BEND2: variants seen among roughly 807,000 people sequenced by gnomAD.
BEND2 encodes the protein BEN domain containing 2, also known as BEN domain-containing protein 2.
Under a neutral mutation model 43.8 loss-of-function variants are expected in BEND2, and 19 were observed. The ratio of observed to expected loss-of-function variants is 0.43; its 90% CI spans 0.30 to 0.64. The LOEUF is 0.64. BEND2 is among the 30% of genes least tolerant of loss of function. The pLI is 0.11. For synonymous variants in BEND2, 226 were observed against 210.1 expected (o/e 1.08, Z -0.66); for missense variants, 544 against 574.0 (o/e 0.95, Z 0.53).
intron 6 of BEND2, among the ~76,000 whole-genome samples, chrX:18,199,196 G>C (rs1925060368): frequency 1.8e-5 from 2 of 109,962 alleles, no homozygotes; most frequent in African/African-American, 6.6e-5. Flanking sequence ...AAAACTTAAA[G>C]TATAATAATA....
In BEND2 at chrX:18,165,087, C is replaced by T. The variant is rs750458282; in HGVS notation, c.2322G>A (p.Ser774=). The T allele has an allele frequency of 3.1e-5, 37 of 1,208,280 alleles. No homozygotes were observed. Among genetic ancestry groups the T allele is most frequent in the Admixed American group, 2.2e-5 (1 of 45,667 alleles). The change falls in exon 14 of 14, where the codon TCG becomes TCA. Residue 774 remains serine, a synonymous_variant. Coordinates refer to ENST00000380033, the MANE Select transcript of BEND2 (RefSeq NM_153346.5). ...DVRRAEARSQ[S]LPAVTPPELE... is the part of the protein sequence containing the mutation. ...GCTCTGGAGGGGTCACTGCTGGAAG[C>T]GACTGAGACCTGGCTTCAGCCCTTC...
At chrX:18,195,802 G>A (rs948571334) in intron 6 of BEND2, among the ~76,000 whole-genome samples, 4 of 108,515 alleles carry the variant, frequency 3.7e-5, no homozygotes, top group African/African-American at 6.7e-5. Flanking sequence ...ACCTGAGCCC[G>A]GGAAATGGAG....
chrX:18,198,393 G>A (rs1217446568), intron 6 of BEND2, among the ~76,000 whole-genome samples: 2 of 111,002 alleles, frequency 1.8e-5, no homozygotes, highest in Non-Finnish European at 3.8e-5. Flanking sequence ...GTAGGCAAAG[G>A]ATATGAACAG....
At chrX:18,220,683 T>C (rs376307885) in intron 1 of BEND2, 43 bp downstream of exon 1, 14 of 1,208,338 alleles carry the variant, frequency 1.2e-5, no homozygotes, top group Middle Eastern at 2.3e-4. Context: ...TGACAGAACT[T>C]GAGGCCCAAG....
At chrX:18,195,873 GAAGAACGA>G (rs1382772161) in intron 6 of BEND2, among the ~76,000 whole-genome samples, 2 of 69,706 alleles carry the variant, frequency 2.9e-5, no homozygotes, top group Non-Finnish European at 5.0e-5. Flanking sequence ...TGAGACAAAA[GAAGAACGA>G]AAGAACGAAA....
intron 6 of BEND2, among the ~76,000 whole-genome samples, chrX:18,197,583 A>G (rs1194147862): frequency 8.9e-6 from 1 of 112,039 alleles, no homozygotes; most frequent in African/African-American, 3.2e-5. Flanking sequence ...ATGAAGAGGA[A>G]GAACATGGGC....
chrX:18,174,479 T>C (rs772085440), intron 11 of BEND2, among the ~76,000 whole-genome samples: 1 of 112,390 alleles, frequency 8.9e-6, no homozygotes, highest in African/African-American at 3.2e-5. Flanking sequence ...CCTTGGAGGA[T>C]TTTGTAGCTC....
chrX:18,220,796 G>A lies in BEND2; in HGVS notation c.-46C>T, dbSNP rs937022810. 1.6e-5 allele frequency: 19 copies of A among 1,166,225 alleles called. No homozygotes were observed. Among genetic ancestry groups the A allele is most frequent in the Non-Finnish European group, 2.2e-5 (19 of 860,304 alleles). On this transcript the variant is annotated 5_prime_UTR_variant, in exon 1 of 14. Transcript: ENST00000380033. Reference sequence around the variant, plus strand: ...CTCTGAGGCCCGAGACCTGAGGCCCGAGACCTGAGGCCTACGTCTGCGCCG... The same window carrying A: ...CTCTGAGGCCCGAGACCTGAGGCCCAAGACCTGAGGCCTACGTCTGCGCCG...
chrX:18,212,347 C>T (rs1182678652), intron 4 of BEND2, among the ~76,000 whole-genome samples: 1 of 111,034 alleles, frequency 9.0e-6, no homozygotes, highest in Non-Finnish European at 1.9e-5. Flanking sequence ...GATCTACCCG[C>T]CTTGGCCTCC....
At chrX:18,200,103 C>T (rs766113168) in intron 6 of BEND2, among the ~76,000 whole-genome samples, 43 of 111,762 alleles carry the variant, frequency 3.8e-4, no homozygotes, top group South Asian at 1.5e-3. Context: ...TGGCTTCACT[C>T]CTAATATCCA....
chrX:18,173,101 C>A (rs753139858), intron 12 of BEND2, among the ~76,000 whole-genome samples: 2 of 111,427 alleles, frequency 1.8e-5, no homozygotes, highest in Admixed American at 1.9e-4. Flanking sequence ...ACAGACTCCA[C>A]ACACACTGCA....
chrX:18,196,801 A>G (rs191747645), intron 6 of BEND2, among the ~76,000 whole-genome samples: 2 of 110,887 alleles, frequency 1.8e-5, no homozygotes, highest in African/African-American at 6.6e-5. Flanking sequence ...GGAACAGTCA[A>G]TGGGGAAGAA....
At chrX:18,220,188 C>T (rs558497186) in intron 1 of BEND2, among the ~76,000 whole-genome samples, 1 of 112,299 alleles carries the variant, frequency 8.9e-6, no homozygotes, top group African/African-American at 3.2e-5. Flanking sequence ...AGGCTGTGCC[C>T]CAGCCGCTAT....
Position 18,198,087 on chromosome X carries a change from A to G in BEND2, c.1034-2645T>C, listed in dbSNP as rs1474713734. On this transcript the variant is annotated intron_variant, in intron 6 of 13. Transcript: ENST00000380033. The stretch of plus-strand genomic sequence containing the variant: ...TAAAGACTTAAACGTTAGACCTAAA[A>G]CCATAAAAACCCTAGAAGAAAACCT... 3.6e-5 allele frequency among the ~76,000 whole-genome samples: 4 copies of G among 111,365 alleles called. 1 individual carries two copies. In the East Asian group the frequency reaches 1.1e-3, roughly 31 times the overall value.
At chrX:18,205,779 T>C (rs2147427827) in intron 4 of BEND2, among the ~76,000 whole-genome samples, 1 of 110,618 alleles carries the variant, frequency 9.0e-6, no homozygotes, top group Non-Finnish European at 1.9e-5. Flanking sequence ...CTGCAAGAAA[T>C]TAGAAATGCC....
intron 7 of BEND2, among the ~76,000 whole-genome samples, chrX:18,193,756 C>T (rs1389220887): frequency 8.9e-6 from 1 of 111,823 alleles, no homozygotes; most frequent in Non-Finnish European, 1.9e-5. Flanking sequence ...TCATTTCAAA[C>T]TCACCAAACT....
chrX:18,181,374 T>C (rs941501917), intron 8 of BEND2, among the ~76,000 whole-genome samples: 2 of 111,266 alleles, frequency 1.8e-5, no homozygotes, highest in Non-Finnish European at 3.8e-5. Flanking sequence ...TGAGTATCCT[T>C]AGCAGCTTTA....
In BEND2 at chrX:18,167,626, C is replaced by T. The variant is rs764822014; in HGVS notation, c.2186-2403G>A. On this transcript the variant is annotated intron_variant, in intron 13 of 13. Transcript: ENST00000380033. Reference sequence around the variant, plus strand: ...TCACCCAGGCTTGAGTGCAGTGGCACAATCACAGCTCACTGCAGCCTCAAC... The same window carrying T: ...TCACCCAGGCTTGAGTGCAGTGGCATAATCACAGCTCACTGCAGCCTCAAC... Among the ~76,000 whole-genome samples, 20 of 111,464 alleles carry T rather than the reference C, an allele frequency of 1.8e-4. No homozygotes were observed. The Admixed American group carries it at 1.8e-3, about 10-fold the overall frequency.
chrX:18,164,977 T>TAA lies in BEND2; in HGVS notation c.*30_*31dup, dbSNP rs374435315. On this transcript the variant is annotated 3_prime_UTR_variant, in exon 14 of 14. Transcript: ENST00000380033. The stretch of plus-strand genomic sequence containing the variant: ...AAACTTACAAAATAGTCTTAACAGT[T>TAA]AAAAAAAAAAAAAAAGTTTGGCAGC... The TAA allele has an allele frequency of 9.0e-5, 95 of 1,053,784 alleles. No individual in the cohort carries two copies. Among genetic ancestry groups the TAA allele is most frequent in the African/African-American group, 6.3e-4 (31 of 49,505 alleles). 86.8% of individuals were successfully genotyped at this position (1,053,784 alleles called of 1,213,427 possible).
Sources: gnomAD v4.1 joint callset for allele counts (sites outside exome capture counted in the v4.1 genomes callset) on GRCh38, gnomAD v4.1.1 for gene constraint, MANE v1.5 for transcripts, NCBI Gene and HGNC (gene_info 2026-07-23, HGNC 2026-07-21) for gene names.